Variants in METTL24 observed in about 807,000 individuals in gnomAD.
METTL24 encodes methyltransferase like 24.
In METTL24, 29 loss-of-function variants were observed where a neutral mutation model predicts 32.7. That is an observed-to-expected ratio of 0.89 (90% CI 0.66 to 1.21). The LOEUF (loss-of-function observed/expected upper bound fraction) is 1.21. Among genes scored for constraint, METTL24 ranks in the 50% most tolerant of loss-of-function variants. METTL24 has a pLI of 0.00. For synonymous variants in METTL24, 163 were observed against 179.5 expected (o/e 0.91, Z 0.73); for missense variants, 439 against 468.1 (o/e 0.94, Z 0.57).
Position 110,290,950 on chromosome 6 carries a change from A to G in METTL24, c.786+7972T>C, listed in dbSNP as rs186649300. ...TTGTGGCTTTAATTTTCATTACCCT[A>G]ATAACTAATCATATTCAGCATCTTT... On this transcript the variant is annotated intron_variant, in intron 4 of 4. Coordinates refer to ENST00000338882, the MANE Select transcript of METTL24 (RefSeq NM_001123364.3). Among the ~76,000 whole-genome samples, 4 of 152,236 alleles carry G rather than the reference A, an allele frequency of 2.6e-5. No homozygotes were observed. The East Asian group carries it at 7.7e-4, about 29-fold the overall frequency.
At chr6:110,255,649 T>G (rs1198672538) in intron 4 of METTL24, among the ~76,000 whole-genome samples, 2 of 152,122 alleles carry the variant, frequency 1.3e-5, no homozygotes, top group African/African-American at 4.8e-5. Flanking sequence ...GATCTTAAGA[T>G]CAGAACTCAA....
At position 110,357,439 on chromosome 6, in the gene METTL24, A is replaced by C. The variant is rs948025502; in HGVS notation, c.318+516T>G. The C allele has an allele frequency of 3.6e-4, 54 of 152,020 alleles. 1 individual carries two copies. Among genetic ancestry groups the C allele is most frequent in the Non-Finnish European group, 4.4e-5 (3 of 68,022 alleles). The allele number at this position is 152,020 out of a possible 1,614,324, so 9.4% of individuals were successfully genotyped here. ...GCCCCCAGCCAACGCCTGGAATGAG[A>C]CTCCAGGGAAATTCGGCCAGCTGGT... On this transcript the variant is annotated intron_variant, in intron 1 of 4. Transcript: ENST00000338882.
Position 110,298,338 on chromosome 6 carries a change from G to C in METTL24, c.786+584C>G, listed in dbSNP as rs376483969. On this transcript the variant is annotated intron_variant, in intron 4 of 4. Transcript: ENST00000338882. ...GTTCAAAGATTGTTTCTTTTTTGCT[G>C]TCCATTCATAATAAAATGTTTGCAG... Among the ~76,000 whole-genome samples the C allele has an allele frequency of 5.9e-5, 9 of 152,236 alleles. No homozygotes were observed. The South Asian group carries it at 1.7e-3, about 28-fold the overall frequency.
chr6:110,310,290 T>C (rs1351082116), intron 3 of METTL24, among the ~76,000 whole-genome samples: 1 of 152,166 alleles, frequency 6.6e-6, no homozygotes, highest in African/African-American at 2.4e-5. Context: ...ACAAAAAATA[T>C]GTACCTATGT....
intron 4 of METTL24, among the ~76,000 whole-genome samples, chr6:110,297,571 A>G (rs1416096241): frequency 3.9e-5 from 6 of 152,224 alleles, no homozygotes; most frequent in Admixed American, 1.3e-4. Flanking sequence ...TGAATAATCT[A>G]AAGTTGACAT....
intron 1 of METTL24, among the ~76,000 whole-genome samples, chr6:110,356,375 G>A (rs934860648): frequency 6.6e-6 from 1 of 152,010 alleles, no homozygotes; most frequent in South Asian, 2.1e-4. Flanking sequence ...CCCGGGAGAC[G>A]GAAGTGGCAG....
intron 1 of METTL24, among the ~76,000 whole-genome samples, chr6:110,342,172 C>T (rs575141575): frequency 2.6e-5 from 4 of 152,334 alleles, no homozygotes; most frequent in Admixed American, 6.5e-5. Flanking sequence ...AGGAGGTCAG[C>T]AAGCTCACAG....
rs550858088 is a variant in METTL24 at position 110,320,009 on chromosome 6, G to A, written c.417+2765C>T. ...ACCCTACCTATTTACCAGTGTGGAGGGGTGTTTTATTGAGGCTTAATATCC... is the reference window on the plus strand; with the variant it reads ...ACCCTACCTATTTACCAGTGTGGAGAGGTGTTTTATTGAGGCTTAATATCC... On this transcript the variant is annotated intron_variant, in intron 2 of 4. Coordinates refer to ENST00000338882, the MANE Select transcript of METTL24 (RefSeq NM_001123364.3). Among the ~76,000 whole-genome samples, 8 of 152,224 alleles carry A rather than the reference G, an allele frequency of 5.3e-5. No homozygotes were observed. In the South Asian group the frequency reaches 1.7e-3, roughly 32 times the overall value.
intron 4 of METTL24, among the ~76,000 whole-genome samples, chr6:110,289,812 C>A (rs1363116457): frequency 2.6e-5 from 4 of 152,164 alleles, no homozygotes; most frequent in Non-Finnish European, 5.9e-5. Flanking sequence ...AGCTTCCCAG[C>A]ATCACTAGTT....
intron 1 of METTL24, among the ~76,000 whole-genome samples, chr6:110,330,087 A>G (rs1430615072): frequency 6.6e-6 from 1 of 152,236 alleles, no homozygotes; most frequent in African/African-American, 2.4e-5. Flanking sequence ...CACCAGGAGC[A>G]GCCCCGCAGT....
chr6:110,312,295 T>C (rs1394487061), intron 3 of METTL24, among the ~76,000 whole-genome samples: 1 of 152,102 alleles, frequency 6.6e-6, no homozygotes, highest in Non-Finnish European at 1.5e-5. Context: ...AGTATGGAGA[T>C]TTCTCAAAAG....
intron 4 of METTL24, among the ~76,000 whole-genome samples, chr6:110,249,506 T>C (rs1023284393): frequency 6.6e-6 from 1 of 151,990 alleles, no homozygotes; most frequent in East Asian, 1.9e-4. Flanking sequence ...GAATAAAACA[T>C]GCTCTGCTCT....
chr6:110,290,819 C>T (rs1771305310), intron 4 of METTL24, among the ~76,000 whole-genome samples: 1 of 152,108 alleles, frequency 6.6e-6, no homozygotes, highest in African/African-American at 2.4e-5. Flanking sequence ...GTTGCATTCC[C>T]ACTACAAATG....
At chr6:110,275,908 A>C (rs1771038607) in intron 4 of METTL24, among the ~76,000 whole-genome samples, 1 of 152,216 alleles carries the variant, frequency 6.6e-6, no homozygotes, top group Admixed American at 6.5e-5. Context: ...ATCCTCAGCC[A>C]AAATGGCAAA....
At chr6:110,327,083 T>C (rs1772029707) in intron 1 of METTL24, among the ~76,000 whole-genome samples, 1 of 152,160 alleles carries the variant, frequency 6.6e-6, no homozygotes, top group East Asian at 1.9e-4. Flanking sequence ...ATAACGGTTA[T>C]AGGGGCTCTG....
chr6:110,312,892 T>C (rs1771749386), intron 3 of METTL24, among the ~76,000 whole-genome samples: 1 of 152,182 alleles, frequency 6.6e-6, no homozygotes, highest in Admixed American at 6.5e-5. Context: ...CACTCCACAG[T>C]GTGGGAACAG....
chr6:110,308,854 C>T (rs760173885), intron 3 of METTL24, among the ~76,000 whole-genome samples: 2 of 152,098 alleles, frequency 1.3e-5, no homozygotes, highest in Non-Finnish European at 2.9e-5. Flanking sequence ...TCACAAAACG[C>T]CACATATTAT....
intron 4 of METTL24, among the ~76,000 whole-genome samples, chr6:110,288,680 C>T (rs1235291711): frequency 6.6e-6 from 1 of 152,048 alleles, no homozygotes; most frequent in Admixed American, 6.6e-5. Context: ...ACAAAAAGGA[C>T]ACAGCAGAGC....
rs373444405 is a variant in METTL24, at chr6:110,319,771, C to A, written c.417+3003G>T. Among the ~76,000 whole-genome samples, 9 of 152,190 alleles carry A rather than the reference C, an allele frequency of 5.9e-5. No homozygotes were observed. The East Asian group carries it at 7.7e-4, about 13-fold the overall frequency. Reference sequence around the variant, plus strand: ...AGCTTGATGTTCCGCACACTCTACCCAAACACCATATCCTCTGGAATTTCA... The same window carrying A: ...AGCTTGATGTTCCGCACACTCTACCAAAACACCATATCCTCTGGAATTTCA... On this transcript the variant is annotated intron_variant, in intron 2 of 4. Transcript: ENST00000338882.
Sources: allele counts gnomAD v4.1 joint callset (sites outside exome capture counted in the v4.1 genomes callset), GRCh38; gene constraint gnomAD v4.1.1; transcripts MANE v1.5; gene names NCBI Gene and HGNC (gene_info 2026-07-23, HGNC 2026-07-21).